SYT9: variants seen among roughly 807,000 people sequenced by gnomAD.
SYT9 encodes synaptotagmin 9.
In SYT9, 22 loss-of-function variants were observed where a neutral mutation model predicts 48.4. The observed-to-expected ratio is 0.45, with a 90% CI of 0.32 to 0.65. The LOEUF is 0.65. Among genes scored for constraint, SYT9 ranks in the 30% least tolerant of loss-of-function variants. SYT9 has a pLI of 0.03. For missense variants in SYT9, 577 were observed against 622.0 expected, an observed-to-expected ratio of 0.93 and a Z score of 0.77; for synonymous variants, 265 against 245.0, an observed-to-expected ratio of 1.08 and a Z score of -0.76.
chr11:7,276,194 C>T (rs1368592656), intron 1 of SYT9, among the ~76,000 whole-genome samples: 3 of 152,154 alleles, frequency 2.0e-5, no homozygotes, highest in African/African-American at 4.8e-5. Flanking sequence ...ACCACATCCT[C>T]ACTTTCCCAT....
chr11:7,264,486 A>G (rs1435119149), intron 1 of SYT9, among the ~76,000 whole-genome samples: 2 of 152,050 alleles, frequency 1.3e-5, no homozygotes, highest in Non-Finnish European at 2.9e-5. Flanking sequence ...GATTGGAATG[A>G]TTGATTCTGA....
intron 3 of SYT9, among the ~76,000 whole-genome samples, chr11:7,358,645 AGT>A (rs1374630432): frequency 2.0e-5 from 3 of 152,148 alleles, no homozygotes; most frequent in Non-Finnish European, 4.4e-5. Context: ...CTCATGAATG[AGT>A]GTTAAATTTT....
In SYT9 at chr11:7,295,202, A is replaced by G. The variant is rs1848775951; in HGVS notation, c.146-7837A>G. ...CTGTCTTTAAGTCATTCTGTCTTTC[A>G]TTTTACTATAAGCAGCTAGGAGGAG... On this transcript the variant is annotated intron_variant, in intron 1 of 6. Transcript: ENST00000318881. Among the ~76,000 whole-genome samples, 3 of 152,106 alleles carry G rather than the reference A, an allele frequency of 2.0e-5. No individual in the cohort carries two copies. The South Asian group carries it at 6.2e-4, about 32-fold the overall frequency.
chr11:7,440,968 C>G (rs1045071981), intron 6 of SYT9: 2 of 152,168 alleles, frequency 1.3e-5, no homozygotes, highest in Admixed American at 6.5e-5. Context: ...AAAAAGGGTT[C>G]CAGGACAGGA....
intron 6 of SYT9, among the ~76,000 whole-genome samples, chr11:7,452,584 G>A (rs540675439): frequency 2.6e-5 from 4 of 152,202 alleles, no homozygotes; most frequent in South Asian, 2.1e-4. Context: ...AGCTCTGAAC[G>A]TCCCCTTCCC....
intron 3 of SYT9, among the ~76,000 whole-genome samples, chr11:7,409,789 TC>T (rs1367573972): frequency 6.6e-6 from 1 of 152,126 alleles, no homozygotes; most frequent in Admixed American, 6.5e-5. Flanking sequence ...ATTTTGTTTA[TC>T]TTTTTTTTGA....
Position 7,466,905 on chromosome 11 carries a change from A to G in SYT9, c.*105A>G. On this transcript the variant is annotated 3_prime_UTR_variant, in exon 7 of 7. Transcript: ENST00000318881. ...CAGCAACATCCAGACGATTTCAGTG[A>G]CCAAATGCTCAGCTGTAACCACAGC... The G allele has an allele frequency of 5.0e-6, 7 of 1,397,906 alleles. No homozygotes were observed. The South Asian group carries it at 8.6e-5, about 17-fold the overall frequency. 86.6% of individuals were successfully genotyped at this position (1,397,906 alleles called of 1,614,324 possible).
At chr11:7,369,719 G>GT (rs149978596) in intron 3 of SYT9, among the ~76,000 whole-genome samples, 22,666 of 147,462 alleles carry the variant, frequency 0.15, 1,911 homozygotes, top group South Asian at 0.23. Flanking sequence ...CGGATAATGG[G>GT]TTTTTTTTTA....
chr11:7,449,597 G>A (rs1590039258), intron 6 of SYT9, among the ~76,000 whole-genome samples: 2 of 152,218 alleles, frequency 1.3e-5, no homozygotes, highest in African/African-American at 4.8e-5. Flanking sequence ...TTGGAGAAGG[G>A]GAAGTACAGG....
At chr11:7,405,347 A>G (rs549616448) in intron 3 of SYT9, among the ~76,000 whole-genome samples, 4 of 152,242 alleles carry the variant, frequency 2.6e-5, no homozygotes, top group South Asian at 4.1e-4. Flanking sequence ...ATTCCTCCAG[A>G]TAGTGTCAAA....
chr11:7,438,744 C>G (rs1172271297), intron 6 of SYT9: 2 of 152,202 alleles, frequency 1.3e-5, no homozygotes, highest in Non-Finnish European at 2.9e-5. Context: ...ACAACACATC[C>G]CCTCCCCAGT....
intron 3 of SYT9, among the ~76,000 whole-genome samples, chr11:7,372,569 A>G (rs967147298): frequency 3.3e-5 from 5 of 152,130 alleles, no homozygotes; most frequent in African/African-American, 7.2e-5. Flanking sequence ...GAATCTCTCT[A>G]TGTTGCCCAG....
At chr11:7,359,157 A>C (rs1248828249) in intron 3 of SYT9, among the ~76,000 whole-genome samples, 1 of 135,668 alleles carries the variant, frequency 7.4e-6, no homozygotes, top group East Asian at 2.2e-4. Context: ...AATTTCATCC[A>C]TGTCCCTACA....
chr11:7,372,301 T>TTC (rs936279954), intron 3 of SYT9, among the ~76,000 whole-genome samples: 10 of 152,110 alleles, frequency 6.6e-5, no homozygotes, highest in African/African-American at 1.9e-4. Context: ...CTCATTTCTT[T>TTC]TCTCTCTCTC....
intron 3 of SYT9, among the ~76,000 whole-genome samples, chr11:7,373,079 A>G (rs1454299347): frequency 6.6e-6 from 1 of 152,116 alleles, no homozygotes; most frequent in Admixed American, 6.6e-5. Context: ...TGCCTCTGGG[A>G]TAAATCCTAC....
chr11:7,266,052 A>C (rs1411915398), intron 1 of SYT9, among the ~76,000 whole-genome samples: 1 of 152,084 alleles, frequency 6.6e-6, no homozygotes, highest in African/African-American at 2.4e-5. Context: ...ATCACTTTTA[A>C]CTTGGGATTC....
At chr11:7,259,054 G>A (rs532946656) in intron 1 of SYT9, among the ~76,000 whole-genome samples, 91 of 152,118 alleles carry the variant, frequency 6.0e-4, no homozygotes, top group African/African-American at 2.0e-3. Context: ...AGGGAATATT[G>A]CATGGCACAT....
intron 1 of SYT9, among the ~76,000 whole-genome samples, chr11:7,266,938 GT>G (rs1332480155): frequency 6.6e-6 from 1 of 152,000 alleles, no homozygotes; most frequent in Non-Finnish European, 1.5e-5. Flanking sequence ...TTAGGAAGTA[GT>G]TTCATTAAAT....
chr11:7,273,077 T>C (rs1848325058), intron 1 of SYT9, among the ~76,000 whole-genome samples: 1 of 152,146 alleles, frequency 6.6e-6, no homozygotes, highest in Non-Finnish European at 1.5e-5. Flanking sequence ...CTATAGAACA[T>C]GAAATGCAGT....
Sources: gnomAD v4.1 joint callset for allele counts (sites outside exome capture counted in the v4.1 genomes callset) on GRCh38, gnomAD v4.1.1 for gene constraint, MANE v1.5 for transcripts, NCBI Gene and HGNC (gene_info 2026-07-23, HGNC 2026-07-21) for gene names.